Variants in ATF7 observed in about 807,000 individuals in gnomAD.
ATF7 encodes the protein cyclic AMP-dependent transcription factor ATF-7.
ATF7 carries 10 observed loss-of-function variants against 50.4 expected under a neutral mutation model. That is an observed-to-expected ratio of 0.20 (90% CI 0.12 to 0.34). The LOEUF (loss-of-function observed/expected upper bound fraction) is 0.34, where lower values mean the gene tolerates loss of function less well. ATF7 is among the 10% of genes least tolerant of loss of function. The pLI, the probability that ATF7 is intolerant of heterozygous loss-of-function variation, is 1.00. For synonymous variants in ATF7, 201 were observed against 226.4 expected (o/e 0.89, Z 1.01); for missense variants, 465 against 613.9 (o/e 0.76, Z 2.56).
At chr12:53,618,053 A>C (rs1944216984) in intron 1 of ATF7, among the ~76,000 whole-genome samples, 2 of 152,250 alleles carry the variant, frequency 1.3e-5, no homozygotes, top group Admixed American at 1.3e-4. Context: ...TTAAGATATA[A>C]AATGACTCCA....
chr12:53,577,247 A>T (rs1384580922), intron 2 of ATF7, among the ~76,000 whole-genome samples: 1 of 152,100 alleles, frequency 6.6e-6, no homozygotes, highest in African/African-American at 2.4e-5. Context: ...ATAGTGACAT[A>T]GTAAGACACT....
intron 2 of ATF7, among the ~76,000 whole-genome samples, chr12:53,570,684 C>T (rs1013120957): frequency 3.3e-5 from 5 of 151,802 alleles, no homozygotes; most frequent in African/African-American, 1.2e-4. Context: ...CTTTGGCATT[C>T]CTTGACTTGT....
intron 2 of ATF7, among the ~76,000 whole-genome samples, chr12:53,567,467 C>T (rs939876771): frequency 1.5e-4 from 23 of 152,198 alleles, no homozygotes; most frequent in Non-Finnish European, 1.5e-5. Flanking sequence ...TTTCTCGCTG[C>T]CCCTCTTCCT....
At chr12:53,585,131 C>T (rs142595195) in intron 2 of ATF7, among the ~76,000 whole-genome samples, 1 of 152,048 alleles carries the variant, frequency 6.6e-6, no homozygotes, top group African/African-American at 2.4e-5. Context: ...CATTACCACA[C>T]CTGGCTAATT....
At chr12:53,599,334 G>T (rs1340852482) in intron 2 of ATF7, among the ~76,000 whole-genome samples, 1 of 152,040 alleles carries the variant, frequency 6.6e-6, no homozygotes, top group Non-Finnish European at 1.5e-5. Flanking sequence ...GCCATACCAG[G>T]CTAGGAGAGA....
intron 8 of ATF7, among the ~76,000 whole-genome samples, chr12:53,532,175 G>A (rs143357992): frequency 1.4e-3 from 214 of 152,194 alleles, no homozygotes; most frequent in African/African-American, 4.9e-3. Context: ...CTGGAGCCTG[G>A]CCAAATGCTG....
At chr12:53,538,512 G>GA (rs1939351448) in intron 4 of ATF7, among the ~76,000 whole-genome samples, 1 of 152,140 alleles carries the variant, frequency 6.6e-6, no homozygotes, top group African/African-American at 2.4e-5. Context: ...AACCAGAAAG[G>GA]AAAGAGAGCA....
At chr12:53,582,992 T>G (rs924897687) in intron 2 of ATF7, among the ~76,000 whole-genome samples, 6 of 152,184 alleles carry the variant, frequency 3.9e-5, no homozygotes, top group African/African-American at 1.4e-4. Flanking sequence ...GAAGCAAAGA[T>G]AATCTTTTCA....
intron 2 of ATF7, among the ~76,000 whole-genome samples, chr12:53,565,172 GC>G (rs1941379228): frequency 6.6e-6 from 1 of 152,036 alleles, no homozygotes; most frequent in Non-Finnish European, 1.5e-5. Flanking sequence ...AGTTGCAGGT[GC>G]CCAATAAATC....
intron 6 of ATF7, among the ~76,000 whole-genome samples, 195 bp downstream of exon 6, chr12:53,534,307 C>T (rs928749005): frequency 2.0e-5 from 3 of 151,950 alleles, no homozygotes; most frequent in Non-Finnish European, 4.4e-5. Flanking sequence ...AAAAGTATTA[C>T]CTCCAAATAA....
At chr12:53,518,509 G>A (rs944236150) in intron 11 of ATF7, among the ~76,000 whole-genome samples, 1 of 152,170 alleles carries the variant, frequency 6.6e-6, no homozygotes, top group African/African-American at 2.4e-5. Flanking sequence ...CAGGCTGGAG[G>A]TGCCATGGCA....
chr12:53,599,536 T>A (rs1943299241), intron 2 of ATF7, among the ~76,000 whole-genome samples: 1 of 151,948 alleles, frequency 6.6e-6, no homozygotes, highest in African/African-American at 2.4e-5. Flanking sequence ...AACTTTGACA[T>A]GAAAGGAAAT....
At position 53,550,331 on chromosome 12, in the gene ATF7, A is replaced by AAAATAAAT. The variant is rs200164879; in HGVS notation, c.145+2202_145+2209dup. Among the ~76,000 whole-genome samples the AAAATAAAT allele has an allele frequency of 7.1e-3, 882 of 123,570 alleles. 21 individuals are homozygous for AAAATAAAT. The highest frequency in any genetic ancestry group is 0.026 in the African/African-American group (792 of 30,362). 81.1% of individuals were successfully genotyped at this position (123,570 alleles called of 152,430 possible). On this transcript the variant is annotated intron_variant, in intron 3 of 11. Transcript: ENST00000420353. ...AGAGTGAGACCCTGTCTCAAAAAAA[A>AAAATAAAT]AAATAAATAAATAAATAAATAAATA...
downstream of ATF7, among the ~76,000 whole-genome samples, chr12:53,509,426 T>C (rs1462254938): frequency 4.6e-5 from 7 of 151,874 alleles, no homozygotes; most frequent in African/African-American, 1.7e-4. Flanking sequence ...CCATTAAGTC[T>C]CAACAGAACA....
chr12:53,592,598 A>C (rs1175739597), intron 2 of ATF7, among the ~76,000 whole-genome samples: 1 of 152,234 alleles, frequency 6.6e-6, no homozygotes. Flanking sequence ...CAGACAAAAG[A>C]AAACTAGGCT....
At chr12:53,547,110 G>A (rs1171982425) in intron 3 of ATF7, among the ~76,000 whole-genome samples, 12 of 136,816 alleles carry the variant, frequency 8.8e-5, no homozygotes, top group Middle Eastern at 4.9e-3. Flanking sequence ...TCAGCCTCCC[G>A]AGTAGCTGGG....
chr12:53,622,244 G>C (rs891570229), intron 1 of ATF7, among the ~76,000 whole-genome samples: 1 of 152,042 alleles, frequency 6.6e-6, no homozygotes, highest in African/African-American at 2.4e-5. Context: ...GGAGGTTGTA[G>C]TGAGCTGAGA....
intron 1 of ATF7, among the ~76,000 whole-genome samples, chr12:53,618,038 T>C (rs1004653976): frequency 6.6e-6 from 1 of 152,152 alleles, no homozygotes; most frequent in Admixed American, 6.5e-5. Context: ...CATGATAAAA[T>C]ATTTTTAAGA....
chr12:53,531,989 A>C, intron 8 of ATF7, 93 bp from the exon 9 acceptor site: 1 of 1,419,772 alleles, frequency 7.0e-7, no homozygotes. Flanking sequence ...GACCTTATAG[A>C]TAGCTAAAAT....
Sources: allele counts gnomAD v4.1 joint callset (sites outside exome capture counted in the v4.1 genomes callset), GRCh38; gene constraint gnomAD v4.1.1; transcripts MANE v1.5; gene names NCBI Gene and HGNC (gene_info 2026-07-23, HGNC 2026-07-21).